SPAG16: variants seen among roughly 807,000 people sequenced by gnomAD.
SPAG16 encodes the protein sperm-associated antigen 16 protein.
SPAG16 carries 86 observed loss-of-function variants against 80.4 expected under a neutral mutation model. The observed-to-expected ratio is 1.07, with a 90% CI of 0.90 to 1.28. SPAG16 has a LOEUF of 1.28. SPAG16 is among the 50% of genes most tolerant of loss of function. The pLI is 0.00. For missense variants in SPAG16, 870 were observed against 765.3 expected, an observed-to-expected ratio of 1.14 and a Z score of -1.61; for synonymous variants, 294 against 265.9, an observed-to-expected ratio of 1.11 and a Z score of -1.03.
rs554711073 is a variant in SPAG16 at position 213,999,566 on chromosome 2, G to A, written c.1401-14385G>A. Among the ~76,000 whole-genome samples the A allele has an allele frequency of 3.3e-5, 5 of 152,326 alleles. No individual in the cohort carries two copies. In the East Asian group the frequency reaches 9.7e-4, roughly 29 times the overall value. On this transcript the variant is annotated intron_variant, in intron 12 of 15. Coordinates refer to ENST00000331683, the MANE Select transcript of SPAG16 (RefSeq NM_024532.5). ...GGAGCCCCCATACACAGTCCTTACT[G>A]GGGCACTGCCTAGTGGGGCTGTGAG...
chr2:213,363,379 A>G (rs913479659), intron 7 of SPAG16, among the ~76,000 whole-genome samples: 2 of 152,038 alleles, frequency 1.3e-5, no homozygotes, highest in African/African-American at 4.8e-5. Context: ...TATAATTAAT[A>G]AATTATGTTA....
chr2:214,302,445 G>A (rs2125957550), intron 15 of SPAG16, among the ~76,000 whole-genome samples: 1 of 152,192 alleles, frequency 6.6e-6, no homozygotes, highest in Non-Finnish European at 1.5e-5. Flanking sequence ...GTGTCTTTTT[G>A]TAGGGCTAGT....
intron 15 of SPAG16, among the ~76,000 whole-genome samples, chr2:214,156,987 C>T (rs2056242275): frequency 6.6e-6 from 1 of 152,048 alleles, no homozygotes. Context: ...CCAGGTGGTC[C>T]TTCTGAATTA....
chr2:213,966,396 T>A lies in SPAG16; in HGVS notation c.1400+36251T>A, dbSNP rs548910077. Among the ~76,000 whole-genome samples, 18 of 152,302 alleles carry A rather than the reference T, an allele frequency of 1.2e-4. No individual in the cohort carries two copies. In the South Asian group the frequency reaches 3.7e-3, roughly 32 times the overall value. ...TGAATTAAAGAGTTAAAAGTATATA[T>A]CTCATAAAACGTTAATGTAATTTGT... On this transcript the variant is annotated intron_variant, in intron 12 of 15. Coordinates refer to ENST00000331683, the MANE Select transcript of SPAG16 (RefSeq NM_024532.5).
At chr2:214,197,844 C>A (rs2057889710) in intron 15 of SPAG16, among the ~76,000 whole-genome samples, 1 of 151,546 alleles carries the variant, frequency 6.6e-6, no homozygotes, top group Admixed American at 6.6e-5. Flanking sequence ...GAATATTAAA[C>A]ACCCAGATTT....
intron 10 of SPAG16, among the ~76,000 whole-genome samples, chr2:213,796,638 T>C (rs1321936900): frequency 6.6e-6 from 1 of 152,198 alleles, no homozygotes; most frequent in Non-Finnish European, 1.5e-5. Flanking sequence ...CCTTAAGTTG[T>C]AGCACAATGC....
At chr2:213,663,298 A>G (rs1366502975) in intron 10 of SPAG16, among the ~76,000 whole-genome samples, 1 of 152,098 alleles carries the variant, frequency 6.6e-6, no homozygotes, top group African/African-American at 2.4e-5. Flanking sequence ...ATTTTTATGC[A>G]TAGACTCAAG....
chr2:213,699,910 T>C (rs1294565452), intron 10 of SPAG16, among the ~76,000 whole-genome samples: 1 of 152,218 alleles, frequency 6.6e-6, no homozygotes, highest in Admixed American at 6.5e-5. Flanking sequence ...GTGAGTCTGA[T>C]AGGACAGCTT....
At chr2:214,074,224 G>A (rs1448269784) in intron 13 of SPAG16, among the ~76,000 whole-genome samples, 2 of 152,122 alleles carry the variant, frequency 1.3e-5, no homozygotes, top group Admixed American at 6.6e-5. Flanking sequence ...CCAGAACTGT[G>A]AGAAATAAAT....
At chr2:214,330,805 G>T (rs1559218318) in intron 15 of SPAG16, among the ~76,000 whole-genome samples, 1 of 152,174 alleles carries the variant, frequency 6.6e-6, no homozygotes, top group Non-Finnish European at 1.5e-5. Context: ...GAGAATGAAT[G>T]TTGTGGTGCC....
chr2:213,527,844 A>G (rs2075942653), intron 10 of SPAG16, among the ~76,000 whole-genome samples: 1 of 152,214 alleles, frequency 6.6e-6, no homozygotes, highest in Non-Finnish European at 1.5e-5. Context: ...CCATCTGTAT[A>G]TTTCTTGCAG....
At chr2:213,667,476 C>A (rs1421460858) in intron 10 of SPAG16, among the ~76,000 whole-genome samples, 2 of 152,096 alleles carry the variant, frequency 1.3e-5, no homozygotes, top group African/African-American at 4.8e-5. Context: ...CTAAAACAGT[C>A]CCAATATCTA....
chr2:214,328,106 T>G (rs980136603), intron 15 of SPAG16, among the ~76,000 whole-genome samples: 29 of 152,294 alleles, frequency 1.9e-4, no homozygotes, highest in African/African-American at 6.7e-4. Flanking sequence ...GAACTTATAT[T>G]GTACAGTTGT....
At chr2:213,380,358 C>T (rs1463970243) in intron 9 of SPAG16, among the ~76,000 whole-genome samples, 1 of 152,186 alleles carries the variant, frequency 6.6e-6, no homozygotes, top group Non-Finnish European at 1.5e-5. Context: ...TCTTCTCTTC[C>T]TCTGTCACCT....
intron 6 of SPAG16, among the ~76,000 whole-genome samples, chr2:213,345,977 G>A (rs1174765695): frequency 6.6e-6 from 1 of 152,120 alleles, no homozygotes; most frequent in Non-Finnish European, 1.5e-5. Flanking sequence ...TGGGCAGTAT[G>A]GCCATTTTCA....
chr2:214,409,406 A>C (rs13031073), intron 15 of SPAG16, among the ~76,000 whole-genome samples: 2,838 of 152,180 alleles, frequency 0.019, 57 homozygotes, highest in Admixed American at 0.066. Context: ...TTCCTTAATA[A>C]AAATATTAAT....
At chr2:213,973,676 A>G (rs2045209207) in intron 12 of SPAG16, among the ~76,000 whole-genome samples, 1 of 146,574 alleles carries the variant, frequency 6.8e-6, no homozygotes, top group South Asian at 2.2e-4. Flanking sequence ...TGGTTACTGT[A>G]TACTTTTGAC....
chr2:214,233,562 G>T (rs908296912), intron 15 of SPAG16, among the ~76,000 whole-genome samples: 9 of 151,978 alleles, frequency 5.9e-5, no homozygotes, highest in Non-Finnish European at 1.0e-4. Flanking sequence ...TCTAAGACAG[G>T]AACTAAAAAG....
chr2:214,006,509 TGAAA>T (rs1288383183), intron 12 of SPAG16, among the ~76,000 whole-genome samples: 3 of 150,646 alleles, frequency 2.0e-5, no homozygotes, highest in Non-Finnish European at 4.4e-5. Flanking sequence ...AGAGAGGAGA[TGAAA>T]GGAAATAAAG....
Sources: allele counts gnomAD v4.1 joint callset (sites outside exome capture counted in the v4.1 genomes callset), GRCh38; gene constraint gnomAD v4.1.1; transcripts MANE v1.5; gene names NCBI Gene and HGNC (gene_info 2026-07-23, HGNC 2026-07-21).